DKK2: variants seen among roughly 807,000 people sequenced by gnomAD.
DKK2 encodes the protein dickkopf-related protein 2.
Under a neutral mutation model 28.1 loss-of-function variants are expected in DKK2, and 11 were observed. The observed-to-expected ratio is 0.39, with a 90% CI of 0.25 to 0.65. DKK2 has a LOEUF of 0.65. Among genes scored for constraint, DKK2 ranks in the 30% least tolerant of loss-of-function variants. The pLI, the probability that DKK2 is intolerant of heterozygous loss-of-function variation, is 0.47. For missense variants in DKK2, 326 were observed against 335.5 expected (o/e 0.97, Z 0.22); for synonymous variants, 135 against 126.5 (o/e 1.07, Z -0.45).
intron 1 of DKK2, among the ~76,000 whole-genome samples, chr4:107,025,161 A>G (rs1026467109): frequency 6.6e-6 from 1 of 152,110 alleles, no homozygotes; most frequent in Admixed American, 6.5e-5. Context: ...TCTCTATATG[A>G]AGCTCAGGCT....
intron 1 of DKK2, among the ~76,000 whole-genome samples, chr4:107,014,817 A>T (rs903342047): frequency 6.7e-6 from 1 of 150,098 alleles, no homozygotes; most frequent in Non-Finnish European, 1.5e-5. Context: ...AATAGGTTCT[A>T]CACACACACA....
chr4:107,026,651 T>C (rs2212968), intron 1 of DKK2, among the ~76,000 whole-genome samples: 35,629 of 152,140 alleles, frequency 0.23, 4,557 homozygotes, highest in East Asian at 0.53. Context: ...GAGCACAGAA[T>C]GAATTTTCAG....
chr4:106,961,634 G>A (rs1433986439), intron 1 of DKK2, among the ~76,000 whole-genome samples: 3 of 149,520 alleles, frequency 2.0e-5, no homozygotes, highest in African/African-American at 4.9e-5. Flanking sequence ...GACTTTCTTC[G>A]TAAACATGGT....
intron 1 of DKK2, among the ~76,000 whole-genome samples, chr4:106,968,391 G>C (rs995653527): frequency 6.6e-6 from 1 of 152,048 alleles, no homozygotes; most frequent in South Asian, 2.1e-4. Flanking sequence ...TAATCAACTT[G>C]CTTAAGGTGA....
intron 1 of DKK2, among the ~76,000 whole-genome samples, chr4:106,973,625 T>G (rs1461012148): frequency 1.3e-5 from 2 of 152,230 alleles, no homozygotes; most frequent in African/African-American, 4.8e-5. Context: ...CTGTAGCTTC[T>G]GGAGATTAGC....
At chr4:106,977,488 T>C (rs1722962676) in intron 1 of DKK2, among the ~76,000 whole-genome samples, 1 of 152,202 alleles carries the variant, frequency 6.6e-6, no homozygotes, top group Admixed American at 6.5e-5. Flanking sequence ...TTTCATTACT[T>C]TGATGTTCAA....
intron 1 of DKK2, among the ~76,000 whole-genome samples, chr4:106,976,823 C>T (rs1397117773): frequency 6.6e-6 from 1 of 152,170 alleles, no homozygotes; most frequent in African/African-American, 2.4e-5. Context: ...GATGCAGTTT[C>T]TTCAAAGGGT....
chr4:106,959,958 T>G (rs1470830955), intron 1 of DKK2, among the ~76,000 whole-genome samples: 1 of 151,946 alleles, frequency 6.6e-6, no homozygotes, highest in Admixed American at 6.6e-5. Flanking sequence ...ATAAAACTAG[T>G]TATGCAAAGA....
chr4:106,956,387 A>G (rs1722590615), intron 1 of DKK2, among the ~76,000 whole-genome samples: 1 of 152,204 alleles, frequency 6.6e-6, no homozygotes, highest in South Asian at 2.1e-4. Context: ...TCTTCACAGA[A>G]TTGGAAAAAA....
At chr4:107,005,016 C>T (rs1723415610) in intron 1 of DKK2, among the ~76,000 whole-genome samples, 1 of 152,076 alleles carries the variant, frequency 6.6e-6, no homozygotes, top group African/African-American at 2.4e-5. Context: ...CCTACTGACA[C>T]CTTGATTTTA....
chr4:106,977,943 A>G (rs1173027879), intron 1 of DKK2, among the ~76,000 whole-genome samples: 5 of 152,024 alleles, frequency 3.3e-5, no homozygotes, highest in Admixed American at 2.6e-4. Context: ...CTTTTTGTTG[A>G]TGTTGATGCT....
At chr4:106,924,311 G>T in intron 3 of DKK2, 107 bp from the exon 4 acceptor site, 1 of 1,418,680 alleles carries the variant, frequency 7.0e-7, no homozygotes, top group Non-Finnish European at 9.4e-7. Context: ...TATCTTCTAT[G>T]TTGTTACCAT....
At position 106,934,003 on chromosome 4, in the gene DKK2, T is replaced by C. The variant is rs532206741; in HGVS notation, c.223-8054A>G. Among the ~76,000 whole-genome samples, 193 of 151,420 alleles carry C rather than the reference T, an allele frequency of 1.3e-3. 1 individual carries two copies. Among genetic ancestry groups the C allele is most frequent in the Admixed American group, 3.4e-3 (52 of 15,188 alleles). On this transcript the variant is annotated intron_variant, in intron 1 of 3. Transcript: ENST00000285311. Reference sequence around the variant, plus strand: ...GTGTGTGTGTATGTGTATATATGTATGTATATATACATATATACACACACT... The same window carrying C: ...GTGTGTGTGTATGTGTATATATGTACGTATATATACATATATACACACACT...
chr4:107,001,182 A>G (rs1390507294), intron 1 of DKK2, among the ~76,000 whole-genome samples: 5 of 152,198 alleles, frequency 3.3e-5, no homozygotes, highest in Non-Finnish European at 7.3e-5. Context: ...ACAAATCTGT[A>G]CAACATACAA....
chr4:106,997,729 A>G (rs1484039265), intron 1 of DKK2, among the ~76,000 whole-genome samples: 4 of 152,222 alleles, frequency 2.6e-5, no homozygotes, highest in African/African-American at 9.6e-5. Context: ...CCAGGACTGC[A>G]GGTATGTTGA....
intron 1 of DKK2, among the ~76,000 whole-genome samples, chr4:107,010,648 C>T (rs994113564): frequency 1.5e-4 from 23 of 151,370 alleles, no homozygotes; most frequent in Admixed American, 1.3e-3. Context: ...ACTTCTGTAA[C>T]GTCCTGAAAC....
intron 1 of DKK2, 115 bp from the exon 2 acceptor site, chr4:106,926,064 G>T: frequency 8.9e-7 from 1 of 1,129,338 alleles, no homozygotes; most frequent in Non-Finnish European, 1.2e-6. Context: ...CACCCGGAAG[G>T]AACTATACCA....
intron 1 of DKK2, among the ~76,000 whole-genome samples, chr4:107,014,721 G>A (rs962923936): frequency 6.6e-6 from 1 of 151,424 alleles, no homozygotes. Flanking sequence ...ATCATTTTAC[G>A]ATGTTCACAT....
chr4:107,003,158 G>A (rs977314646), intron 1 of DKK2, among the ~76,000 whole-genome samples: 10 of 152,116 alleles, frequency 6.6e-5, no homozygotes, highest in Admixed American at 2.0e-4. Context: ...GTGGTTTACT[G>A]GCAATTTTCA....
Sources: allele counts gnomAD v4.1 joint callset (sites outside exome capture counted in the v4.1 genomes callset), GRCh38; gene constraint gnomAD v4.1.1; transcripts MANE v1.5; gene names NCBI Gene and HGNC (gene_info 2026-07-23, HGNC 2026-07-21).